Variants in SMIM10L3 observed in about 807,000 individuals in gnomAD.
SMIM10L3 encodes the protein small integral membrane protein 10 like 3, also known as salivary gland specific protein SAGSIN1.
chr7:6,344,335 G>C, the SMIM10L3 span, among the ~76,000 whole-genome samples: 1 of 151,996 alleles, frequency 6.6e-6, no homozygotes, highest in Non-Finnish European at 1.5e-5. Context: ...AAATATCAAG[G>C]CCAAGAAGAC....
At chr7:6,348,694 C>G in the SMIM10L3 span, 6 of 450,828 alleles carry the variant, frequency 1.3e-5, no homozygotes, top group African/African-American at 1.0e-4. Flanking sequence ...GCAGAAGACC[C>G]CATAGGAGCG....
chr7:6,336,526 C>T, the SMIM10L3 span, among the ~76,000 whole-genome samples: 1 of 151,948 alleles, frequency 6.6e-6, no homozygotes. Flanking sequence ...ACTAAAAATA[C>T]AAAAATTAGC....
the SMIM10L3 span, among the ~76,000 whole-genome samples, chr7:6,342,871 G>A: frequency 6.6e-6 from 1 of 151,322 alleles, no homozygotes; most frequent in Non-Finnish European, 1.5e-5. Context: ...ACCCCATCTA[G>A]AAACAAAATG....
chr7:6,336,663 G>A, the SMIM10L3 span, among the ~76,000 whole-genome samples: 1 of 149,162 alleles, frequency 6.7e-6, no homozygotes, highest in Non-Finnish European at 1.5e-5. Flanking sequence ...CAGCCTGAGA[G>A]AGCGAGCAAG....
chr7:6,330,756 T>C, the SMIM10L3 span: 5 of 1,614,030 alleles, frequency 3.1e-6, no homozygotes, highest in South Asian at 5.5e-5. Context: ...CCCTGGGCCC[T>C]CCTCCCAGCC....
the SMIM10L3 span, among the ~76,000 whole-genome samples, chr7:6,332,741 G>A: frequency 6.6e-6 from 1 of 152,166 alleles, no homozygotes; most frequent in Non-Finnish European, 1.5e-5. Flanking sequence ...ACACTGAAAG[G>A]ATCAGCTACA....
chr7:6,343,300 C>T, the SMIM10L3 span, among the ~76,000 whole-genome samples: 5 of 150,466 alleles, frequency 3.3e-5, no homozygotes, highest in East Asian at 5.8e-4. Flanking sequence ...TCGCTTGAAC[C>T]TGGGAAGCGG....
At chr7:6,339,397 G>GT in the SMIM10L3 span, among the ~76,000 whole-genome samples, 1 of 152,130 alleles carries the variant, frequency 6.6e-6, no homozygotes, top group African/African-American at 2.4e-5. Context: ...GAGCCTAGGA[G>GT]TTTGAGACCA....
chr7:6,333,677 T>G, the SMIM10L3 span, among the ~76,000 whole-genome samples: 6 of 151,364 alleles, frequency 4.0e-5, no homozygotes, highest in African/African-American at 1.5e-4. Flanking sequence ...TTTTTTTTTT[T>G]CAGAGCAGGA....
the SMIM10L3 span, among the ~76,000 whole-genome samples, chr7:6,347,668 C>T: frequency 4.6e-5 from 7 of 152,142 alleles, no homozygotes; most frequent in Non-Finnish European, 7.4e-5. Flanking sequence ...TGGTCTTCAC[C>T]CTCACAACTC....
At chr7:6,335,228 A>AT in the SMIM10L3 span, among the ~76,000 whole-genome samples, 303 of 145,892 alleles carry the variant, frequency 2.1e-3, 2 homozygotes, top group East Asian at 0.016. Context: ...ATGCCCAGCT[A>AT]TTTTTTTTTT....
At chr7:6,335,181 G>C in the SMIM10L3 span, among the ~76,000 whole-genome samples, 2 of 151,736 alleles carry the variant, frequency 1.3e-5, no homozygotes, top group African/African-American at 4.8e-5. Flanking sequence ...TCCTGCATCA[G>C]CCTCCCAAGT....
chr7:6,331,453 A>G, the SMIM10L3 span, among the ~76,000 whole-genome samples: 1 of 152,128 alleles, frequency 6.6e-6, no homozygotes, highest in African/African-American at 2.4e-5. Context: ...GTGAGCCACC[A>G]TGCCCAGCCG....
At chr7:6,341,453 A>T in the SMIM10L3 span, among the ~76,000 whole-genome samples, 25 of 148,990 alleles carry the variant, frequency 1.7e-4, no homozygotes, top group East Asian at 1.4e-3. Flanking sequence ...AAAAAATAAT[A>T]ATAATAATTA....
At chr7:6,332,305 G>T in the SMIM10L3 span, among the ~76,000 whole-genome samples, 1 of 151,934 alleles carries the variant, frequency 6.6e-6, no homozygotes, top group South Asian at 2.1e-4. Flanking sequence ...CCTGTCCAAA[G>T]AAAATAGTCT....
At chr7:6,344,815 A>G in the SMIM10L3 span, among the ~76,000 whole-genome samples, 15 of 151,846 alleles carry the variant, frequency 9.9e-5, no homozygotes, top group East Asian at 2.3e-3. Context: ...AACTTGGCTC[A>G]CTGTAACCTC....
At chr7:6,331,890 G>T in the SMIM10L3 span, among the ~76,000 whole-genome samples, 1 of 151,912 alleles carries the variant, frequency 6.6e-6, no homozygotes, top group South Asian at 2.1e-4. Flanking sequence ...ACAGGTGCCT[G>T]CCACCATGCC....
At chr7:6,334,124 G>A in the SMIM10L3 span, among the ~76,000 whole-genome samples, 4 of 151,602 alleles carry the variant, frequency 2.6e-5, no homozygotes, top group South Asian at 6.3e-4. Context: ...GGGATTACAA[G>A]CGTGAGCCAC....
chr7:6,334,052 T>A, the SMIM10L3 span, among the ~76,000 whole-genome samples: 1 of 151,040 alleles, frequency 6.6e-6, no homozygotes, highest in Non-Finnish European at 1.5e-5. Context: ...TTCACCATGT[T>A]AGCCAGGATG....
Sources: gnomAD v4.1 joint callset for allele counts (sites outside exome capture counted in the v4.1 genomes callset) on GRCh38, gnomAD v4.1.1 for gene constraint, MANE v1.5 for transcripts, NCBI Gene and HGNC (gene_info 2026-07-23, HGNC 2026-07-21) for gene names.